Variants in ARSJ observed in about 807,000 individuals in gnomAD.
ARSJ encodes arylsulfatase J.
A neutral mutation model predicts 35.9 loss-of-function variants in ARSJ; 26 were observed. The observed-to-expected ratio is 0.72, with a 90% CI of 0.53 to 1.00. The LOEUF (loss-of-function observed/expected upper bound fraction) is 1.00. Ranked by LOEUF, ARSJ falls within the 50% of genes least tolerant of loss-of-function variation. The probability of loss-of-function intolerance (pLI) is 0.00; values close to 1 mark genes in which losing one functional copy is unlikely to be tolerated. For missense variants in ARSJ, 667 were observed against 723.6 expected (o/e 0.92, Z 0.90); for synonymous variants, 294 against 267.6 (o/e 1.10, Z -0.96).
intron 1 of ARSJ, among the ~76,000 whole-genome samples, chr4:113,910,420 G>T (rs2099670103): frequency 6.6e-6 from 1 of 152,070 alleles, no homozygotes; most frequent in Non-Finnish European, 1.5e-5. Context: ...AGTCCAGAAT[G>T]GTTAGCGAGT....
chr4:113,972,293 G>GAAAA lies in ARSJ; in HGVS notation c.398+6140_398+6143dup, dbSNP rs750176630. On this transcript the variant is annotated intron_variant, in intron 1 of 1. Coordinates refer to ENST00000315366, the MANE Select transcript of ARSJ (RefSeq NM_024590.4). ...TCATTACTTTCTAAGAGATGATCTG[G>GAAAA]AAAAAAAAAAAAACAAAAAAAAAAA... is the stretch of plus-strand genomic sequence containing the variant. 4.6e-3 allele frequency among the ~76,000 whole-genome samples: 285 copies of GAAAA among 61,488 alleles called. 22 individuals are homozygous for GAAAA. Among genetic ancestry groups the GAAAA allele is most frequent in the East Asian group, 0.022 (36 of 1,650 alleles). The allele number at this position is 61,488 out of a possible 152,430, so 40.3% of individuals were successfully genotyped here. A position where few individuals can be genotyped will look rare whatever the true frequency, so the allele number is the denominator to read the frequency against.
At chr4:113,916,532 T>TG (rs1723313789) in intron 1 of ARSJ, among the ~76,000 whole-genome samples, 1 of 151,048 alleles carries the variant, frequency 6.6e-6, no homozygotes, top group African/African-American at 2.5e-5. Flanking sequence ...TTCTCTCTTT[T>TG]TTTTGTCCTC....
intron 1 of ARSJ, among the ~76,000 whole-genome samples, chr4:113,919,408 A>G (rs10017718): frequency 0.71 from 107,691 of 152,090 alleles, 38,919 homozygotes; most frequent in East Asian, 0.81. Flanking sequence ...AAGTGGCTCA[A>G]TAATACTTAC....
chr4:113,961,903 G>C (rs971334207), intron 1 of ARSJ, among the ~76,000 whole-genome samples: 17 of 2,410 alleles, frequency 7.1e-3, no homozygotes, highest in Non-Finnish European at 0.015. Flanking sequence ...CTCTCTGTGT[G>C]TGTGTGTGTG....
chr4:113,957,312 A>G (rs1726243763), intron 1 of ARSJ, among the ~76,000 whole-genome samples: 1 of 152,070 alleles, frequency 6.6e-6, no homozygotes, highest in Non-Finnish European at 1.5e-5. Context: ...GCATCCTTAT[A>G]TGTTAGGGAT....
chr4:113,911,987 A>G (rs1014363146), intron 1 of ARSJ, among the ~76,000 whole-genome samples: 9 of 152,206 alleles, frequency 5.9e-5, no homozygotes, highest in African/African-American at 1.9e-4. Context: ...CCGAAATTAG[A>G]TCACCATAAG....
rs556627240 is a variant in ARSJ, at chr4:113,956,792, C to T, written c.398+21645G>A. The stretch of plus-strand genomic sequence containing the variant: ...GCAAGTAGATCACAGGGTACTTGAA[C>T]GAGTGGTGAGAAAGGAGTCTGAAAG... On this transcript the variant is annotated intron_variant, in intron 1 of 1. Coordinates refer to ENST00000315366, the MANE Select transcript of ARSJ (RefSeq NM_024590.4). 2.0e-5 allele frequency among the ~76,000 whole-genome samples: 3 copies of T among 151,976 alleles called. No homozygotes were observed. In the South Asian group the frequency reaches 6.2e-4, roughly 32 times the overall value.
At chr4:113,973,204 C>T (rs891941635) in intron 1 of ARSJ, among the ~76,000 whole-genome samples, 1 of 152,306 alleles carries the variant, frequency 6.6e-6, no homozygotes, top group Non-Finnish European at 1.5e-5. Flanking sequence ...CCCCATCTGA[C>T]CTTAGCACTC....
At chr4:113,975,602 C>T (rs992400833) in intron 1 of ARSJ, among the ~76,000 whole-genome samples, 1 of 152,124 alleles carries the variant, frequency 6.6e-6, no homozygotes, top group Non-Finnish European at 1.5e-5. Context: ...TTTCTCAAAG[C>T]CCAGTGCATA....
At chr4:113,941,072 C>T (rs1725129217) in intron 1 of ARSJ, among the ~76,000 whole-genome samples, 5 of 151,956 alleles carry the variant, frequency 3.3e-5, no homozygotes, top group Admixed American at 3.3e-4. Context: ...GGTTCTATAG[C>T]TAAACTTCTG....
chr4:113,976,163 G>A (rs1398960305), intron 1 of ARSJ, among the ~76,000 whole-genome samples: 4 of 152,256 alleles, frequency 2.6e-5, no homozygotes, highest in African/African-American at 7.2e-5. Context: ...AAAATATAAA[G>A]GGAGGGCTGT....
At chr4:113,953,021 C>T (rs1725958153) in intron 1 of ARSJ, among the ~76,000 whole-genome samples, 1 of 152,060 alleles carries the variant, frequency 6.6e-6, no homozygotes, top group African/African-American at 2.4e-5. Flanking sequence ...TAGCAATGAA[C>T]CAATATTATC....
At chr4:113,978,127 T>G (rs140944184) in intron 1 of ARSJ, among the ~76,000 whole-genome samples, 1 of 152,228 alleles carries the variant, frequency 6.6e-6, no homozygotes, top group African/African-American at 2.4e-5. Flanking sequence ...AAAAGTAGAA[T>G]AGATTTGAAA....
rs114798828 is a variant in ARSJ, at chr4:113,973,419, A to G, written c.398+5018T>C. On this transcript the variant is annotated intron_variant, in intron 1 of 1. Transcript: ENST00000315366. ...CCATAGTATTCCCCCTTTCTTTGCA[A>G]AGGGTCCATGATCCACCATGCTAAT... Among the ~76,000 whole-genome samples, 616 of 152,258 alleles carry G rather than the reference A, an allele frequency of 4.0e-3. 5 individuals carry two copies. The highest frequency in any genetic ancestry group is 0.014 in the African/African-American group (589 of 41,546).
At chr4:113,928,727 T>G (rs1007669472) in intron 1 of ARSJ, among the ~76,000 whole-genome samples, 1 of 152,186 alleles carries the variant, frequency 6.6e-6, no homozygotes, top group Non-Finnish European at 1.5e-5. Flanking sequence ...TGGTTCCCAC[T>G]GTTAGATCTG....
rs1350586119 is a variant in ARSJ at position 113,903,329 on chromosome 4, T to C, written c.745A>G (p.Ile249Val). ...TTTGTGGGGTTATGGGAAGCTAAGA[T>C]TTGCTGTACTCTCTGAGTGTACATC... ...TQMYTQRVQQ[I>V]LASHNPTKPI... Residue 249 changes from isoleucine (I) to valine (V), a missense_variant, in exon 2 of 2, where the codon ATC becomes GTC. By Grantham distance (29) the Ile-to-Val change is conservative. Transcript: ENST00000315366. 6.2e-7 allele frequency: 1 copy of C among 1,614,068 alleles called. No individual in the cohort carries two copies. Among genetic ancestry groups the C allele is most frequent in the African/African-American group, 1.3e-5 (1 of 74,920 alleles).
intron 1 of ARSJ, among the ~76,000 whole-genome samples, chr4:113,949,510 G>A (rs991212055): frequency 2.6e-5 from 4 of 152,126 alleles, no homozygotes; most frequent in African/African-American, 9.6e-5. Flanking sequence ...GGTGGTGGAC[G>A]CTGGACCTTG....
At chr4:113,921,484 C>A (rs1053137381) in intron 1 of ARSJ, among the ~76,000 whole-genome samples, 1 of 152,048 alleles carries the variant, frequency 6.6e-6, no homozygotes, top group Non-Finnish European at 1.5e-5. Flanking sequence ...AAGTTATTCA[C>A]CTGAAACTAC....
At chr4:113,948,326 AC>A (rs1307796993) in intron 1 of ARSJ, among the ~76,000 whole-genome samples, 9 of 152,144 alleles carry the variant, frequency 5.9e-5, no homozygotes, top group African/African-American at 2.2e-4. Context: ...TTCTCTCATA[AC>A]TATAGATCAG....
Sources: gnomAD v4.1 joint callset for allele counts (sites outside exome capture counted in the v4.1 genomes callset) on GRCh38, gnomAD v4.1.1 for gene constraint, MANE v1.5 for transcripts, NCBI Gene and HGNC (gene_info 2026-07-23, HGNC 2026-07-21) for gene names.